FBXL17: variants seen among roughly 807,000 people sequenced by gnomAD.
The protein encoded by FBXL17 is F-box/LRR-repeat protein 17.
FBXL17 carries 22 observed loss-of-function variants against 66.2 expected under a neutral mutation model. The observed-to-expected ratio is 0.33, with a 90% confidence interval of 0.24 to 0.47. The LOEUF is 0.47. Among genes scored for constraint, FBXL17 ranks in the 20% least tolerant of loss-of-function variants. The pLI is 1.00. For missense variants in FBXL17, 878 were observed against 948.2 expected (o/e 0.93, Z 0.97); for synonymous variants, 474 against 400.5 (o/e 1.18, Z -2.19).
At chr5:108,065,266 C>G (rs909034425) in intron 6 of FBXL17, among the ~76,000 whole-genome samples, 1 of 152,116 alleles carries the variant, frequency 6.6e-6, no homozygotes, top group Non-Finnish European at 1.5e-5. Context: ...TGCTTCTTAA[C>G]TTTCCATATA....
At chr5:108,312,423 C>A (rs1759168311) in intron 4 of FBXL17, among the ~76,000 whole-genome samples, 1 of 152,156 alleles carries the variant, frequency 6.6e-6, no homozygotes, top group African/African-American at 2.4e-5. Context: ...CTGTAGCAGT[C>A]CAAGCCATTG....
At chr5:108,297,860 T>C (rs1362782400) in intron 4 of FBXL17, 1 of 891,192 alleles carries the variant, frequency 1.1e-6, no homozygotes, top group Non-Finnish European at 1.3e-6. Flanking sequence ...TTGGTAGAAA[T>C]ACAGTTTTTA....
chr5:108,093,702 A>G (rs1749269776), intron 6 of FBXL17, among the ~76,000 whole-genome samples: 1 of 152,160 alleles, frequency 6.6e-6, no homozygotes, highest in Non-Finnish European at 1.5e-5. Context: ...ATATCGGCAA[A>G]GATTATACGC....
At chr5:108,251,267 C>G (rs979282703) in intron 4 of FBXL17, among the ~76,000 whole-genome samples, 11 of 151,920 alleles carry the variant, frequency 7.2e-5, no homozygotes, top group African/African-American at 2.2e-4. Flanking sequence ...CTTATTTTTG[C>G]CAACCTGCAG....
chr5:108,381,630 C>A lies in FBXL17; in HGVS notation c.62G>T (p.Cys21Phe). 6.7e-7 allele frequency: 1 copy of A among 1,494,950 alleles called. No individual in the cohort carries two copies. Among genetic ancestry groups the A allele is most frequent in the Non-Finnish European group, 8.9e-7 (1 of 1,127,038 alleles). 92.6% of individuals were successfully genotyped at this position (1,494,950 alleles called of 1,614,324 possible). A position where few individuals can be genotyped will look rare whatever the true frequency, so the allele number is the denominator to read the frequency against. Residue 21 changes from cysteine (C) to phenylalanine (F), a missense_variant, in exon 1 of 9, where the codon TGC becomes TTC. Cys to Phe is a radical substitution (Grantham distance 205). Transcript: ENST00000542267. ...AGGGCGCCGGCGGCGGCACCAACTG[C>A]AACAGCGAGGCCTCTTCTGGCTCGG... ...NRPSQKRPRC[C>F]SWCRRRRPLL... is the part of the protein sequence containing the mutation.
At chr5:108,133,610 G>C (rs1031259295) in intron 6 of FBXL17, among the ~76,000 whole-genome samples, 1 of 151,972 alleles carries the variant, frequency 6.6e-6, no homozygotes, top group Non-Finnish European at 1.5e-5. Flanking sequence ...GCAGAGATCT[G>C]CTGGAAGAGA....
chr5:108,147,191 A>T (rs544465726), intron 6 of FBXL17, among the ~76,000 whole-genome samples: 1 of 152,306 alleles, frequency 6.6e-6, no homozygotes, highest in East Asian at 1.9e-4. Context: ...CAACATTCAG[A>T]ACATAGCAAG....
chr5:107,874,094 T>A (rs532579485), intron 8 of FBXL17, among the ~76,000 whole-genome samples: 1 of 152,266 alleles, frequency 6.6e-6, no homozygotes, highest in South Asian at 2.1e-4. Flanking sequence ...CACTCTCTGC[T>A]CAAAAGAAAG....
At chr5:108,181,362 G>T (rs1421554367) in intron 6 of FBXL17, among the ~76,000 whole-genome samples, 1 of 152,004 alleles carries the variant, frequency 6.6e-6, no homozygotes, top group African/African-American at 2.4e-5. Context: ...AAAAGCAATG[G>T]TAAATGTCAA....
intron 7 of FBXL17, among the ~76,000 whole-genome samples, chr5:107,892,906 T>C (rs1749242830): frequency 6.6e-6 from 1 of 152,220 alleles, no homozygotes; most frequent in Admixed American, 6.5e-5. Flanking sequence ...GATAGTTTAG[T>C]AGAGAACTAG....
intron 7 of FBXL17, among the ~76,000 whole-genome samples, chr5:108,018,014 G>T (rs1754449003): frequency 6.6e-6 from 1 of 151,960 alleles, no homozygotes; most frequent in South Asian, 2.1e-4. Context: ...GATATGCCAG[G>T]TGAGGAGCTG....
At chr5:108,323,215 C>A (rs2150222834) in intron 4 of FBXL17, among the ~76,000 whole-genome samples, 1 of 151,578 alleles carries the variant, frequency 6.6e-6, no homozygotes, top group East Asian at 1.9e-4. Flanking sequence ...CCTAAAGGTT[C>A]CACATACAAA....
At chr5:108,238,514 T>C (rs1755706337) in intron 4 of FBXL17, among the ~76,000 whole-genome samples, 1 of 152,184 alleles carries the variant, frequency 6.6e-6, no homozygotes, top group Admixed American at 6.5e-5. Flanking sequence ...TTAATTTTTA[T>C]TTACTTATTT....
intron 6 of FBXL17, among the ~76,000 whole-genome samples, chr5:108,125,019 C>T (rs542921419): frequency 1.5e-4 from 23 of 152,084 alleles, no homozygotes; most frequent in African/African-American, 5.5e-4. Context: ...AATTATCTAA[C>T]TAGTTGTTCA....
intron 6 of FBXL17, among the ~76,000 whole-genome samples, chr5:108,109,468 CT>C (rs1211461918): frequency 2.6e-5 from 4 of 152,300 alleles, no homozygotes; most frequent in East Asian, 1.9e-4. Context: ...TCCAATCACA[CT>C]TCTCTGTATT....
At chr5:108,092,264 T>TA (rs1749214861) in intron 6 of FBXL17, among the ~76,000 whole-genome samples, 1 of 152,160 alleles carries the variant, frequency 6.6e-6, no homozygotes, top group South Asian at 2.1e-4. Context: ...AGATAACACT[T>TA]GGCCTTCAGA....
chr5:107,945,023 C>A (rs1358706577), intron 7 of FBXL17, among the ~76,000 whole-genome samples: 1 of 151,642 alleles, frequency 6.6e-6, no homozygotes, highest in Non-Finnish European at 1.5e-5. Flanking sequence ...ATATAACTGA[C>A]AAAAGATTAG....
chr5:107,863,444 C>T (rs1158491406), intron 8 of FBXL17, among the ~76,000 whole-genome samples: 3 of 151,310 alleles, frequency 2.0e-5, no homozygotes, highest in African/African-American at 4.8e-5. Flanking sequence ...CTACTTCCTA[C>T]TCATCTTTGA....
intron 6 of FBXL17, among the ~76,000 whole-genome samples, chr5:108,077,677 AT>A (rs1748605856): frequency 6.7e-6 from 1 of 148,626 alleles, no homozygotes; most frequent in Admixed American, 6.8e-5. Flanking sequence ...AAAAAAAAAA[AT>A]GAAAAAAATG....
Sources: gnomAD v4.1 joint callset for allele counts (sites outside exome capture counted in the v4.1 genomes callset) on GRCh38, gnomAD v4.1.1 for gene constraint, MANE v1.5 for transcripts, NCBI Gene and HGNC (gene_info 2026-07-23, HGNC 2026-07-21) for gene names.